The following TCF12 variants were observed in gnomAD, a reference collection of about 807,000 sequenced individuals.
The protein encoded by TCF12 is DNA-binding protein HTF4.
Under a neutral mutation model 86.0 loss-of-function variants are expected in TCF12, and 45 were observed. The observed-to-expected ratio is 0.52, with a 90% CI of 0.41 to 0.67. TCF12 has a LOEUF of 0.67. Among genes scored for constraint, TCF12 ranks in the 30% least tolerant of loss-of-function variants. TCF12 has a pLI of 0.00. For missense variants in TCF12, 881 were observed against 859.9 expected (o/e 1.02, Z -0.31); for synonymous variants, 330 against 299.6 (o/e 1.10, Z -1.05).
intron 16 of TCF12, among the ~76,000 whole-genome samples, chr15:57,257,628 T>G (rs1045445793): frequency 1.3e-5 from 2 of 149,934 alleles, no homozygotes; most frequent in African/African-American, 2.5e-5. Context: ...GCCACTGCAG[T>G]TGAGCCTGGA....
chr15:57,177,993 T>C (rs1399118715), intron 6 of TCF12, among the ~76,000 whole-genome samples: 2 of 152,218 alleles, frequency 1.3e-5, no homozygotes, highest in Non-Finnish European at 2.9e-5. Flanking sequence ...TGATACTTAG[T>C]GCTCGTTGGA....
chr15:57,056,523 A>G (rs565603322), intron 3 of TCF12, among the ~76,000 whole-genome samples: 2 of 152,112 alleles, frequency 1.3e-5, no homozygotes, highest in African/African-American at 2.4e-5. Context: ...CAGTGATGCA[A>G]TCTCAGTTCA....
chr15:57,061,746 A>T (rs1200542703), intron 3 of TCF12, among the ~76,000 whole-genome samples: 1 of 152,228 alleles, frequency 6.6e-6, no homozygotes, highest in African/African-American at 2.4e-5. Context: ...TTACCATTAT[A>T]TGTTCAATAA....
At chr15:57,011,006 T>C (rs2064797839) in intron 3 of TCF12, among the ~76,000 whole-genome samples, 1 of 152,156 alleles carries the variant, frequency 6.6e-6, no homozygotes, top group South Asian at 2.1e-4. Context: ...AGGTGGGACT[T>C]TGAGTTTGTG....
At chr15:57,170,765 A>AT (rs1205991827) in intron 6 of TCF12, among the ~76,000 whole-genome samples, 1 of 14,866 alleles carries the variant, frequency 6.7e-5, no homozygotes, top group African/African-American at 2.8e-4. Context: ...TATATTATAT[A>AT]TATATTATAT....
intron 6 of TCF12, among the ~76,000 whole-genome samples, chr15:57,167,919 T>C (rs2055021239): frequency 6.6e-6 from 1 of 152,230 alleles, no homozygotes. Context: ...TCATAGCCAG[T>C]GTTTTGCCTT....
chr15:57,057,509 T>G (rs2068121048), intron 3 of TCF12, among the ~76,000 whole-genome samples: 1 of 152,232 alleles, frequency 6.6e-6, no homozygotes, highest in Non-Finnish European at 1.5e-5. Context: ...TCAGCCTGTT[T>G]TTGTTTACTC....
intron 2 of TCF12, 79 bp downstream of exon 2, chr15:56,920,067 G>T: frequency 3.2e-6 from 5 of 1,545,546 alleles, no homozygotes; most frequent in Non-Finnish European, 4.4e-6. Context: ...TTAAATAAAG[G>T]GTGAGGGGAA....
At chr15:57,000,512 T>C (rs1414713303) in intron 3 of TCF12, among the ~76,000 whole-genome samples, 2 of 152,212 alleles carry the variant, frequency 1.3e-5, no homozygotes, top group Non-Finnish European at 2.9e-5. Flanking sequence ...AGGAAGTTTG[T>C]AGCATTGAAT....
chr15:57,193,255 C>T (rs2057076378), intron 7 of TCF12, among the ~76,000 whole-genome samples: 1 of 152,152 alleles, frequency 6.6e-6, no homozygotes, highest in South Asian at 2.1e-4. Context: ...CTGCACTCCA[C>T]TTTGTTTTTA....
intron 13 of TCF12, chr15:57,247,225 A>G (rs1438668053): frequency 1.6e-5 from 10 of 627,050 alleles, no homozygotes; most frequent in East Asian, 1.2e-4. Flanking sequence ...GACTACCACC[A>G]TAGTTGCCAC....
At chr15:56,925,641 A>G (rs1253363860) in intron 3 of TCF12, among the ~76,000 whole-genome samples, 2 of 152,238 alleles carry the variant, frequency 1.3e-5, no homozygotes, top group Non-Finnish European at 2.9e-5. Context: ...AGACTTGGGT[A>G]ATCTTGCTGA....
intron 18 of TCF12, among the ~76,000 whole-genome samples, chr15:57,266,862 T>G (rs1358465539): frequency 6.6e-6 from 1 of 152,016 alleles, no homozygotes. Context: ...CATAGCTAGA[T>G]TCTGTCTCTA....
intron 3 of TCF12, among the ~76,000 whole-genome samples, chr15:56,949,464 C>CA (rs2061164551): frequency 6.6e-6 from 1 of 152,172 alleles, no homozygotes; most frequent in Admixed American, 6.5e-5. Context: ...GCTTGAAACT[C>CA]AGTTATGTAT....
intron 19 of TCF12, among the ~76,000 whole-genome samples, chr15:57,277,332 A>G (rs1339445552): frequency 6.6e-6 from 1 of 151,924 alleles, no homozygotes; most frequent in African/African-American, 2.4e-5. Flanking sequence ...CTGTCTCTAA[A>G]TAAAAATTAA....
At chr15:57,189,560 G>A (rs2056871820) in intron 6 of TCF12, among the ~76,000 whole-genome samples, 1 of 152,130 alleles carries the variant, frequency 6.6e-6, no homozygotes, top group Admixed American at 6.5e-5. Context: ...GCCCCTCAAG[G>A]ATGGCTGTAA....
intron 16 of TCF12, among the ~76,000 whole-genome samples, chr15:57,260,758 TC>T (rs1302378283): frequency 6.6e-6 from 1 of 152,192 alleles, no homozygotes; most frequent in Non-Finnish European, 1.5e-5. Context: ...ATTTTGAACT[TC>T]CTTTCCTCTT....
intron 6 of TCF12, among the ~76,000 whole-genome samples, chr15:57,181,869 C>T (rs1411083966): frequency 2.0e-5 from 3 of 151,968 alleles, no homozygotes; most frequent in African/African-American, 7.2e-5. Flanking sequence ...GGGGATAACC[C>T]TTTATTAATT....
At chr15:56,963,802 G>T (rs555336211) in intron 3 of TCF12, among the ~76,000 whole-genome samples, 1 of 152,280 alleles carries the variant, frequency 6.6e-6, no homozygotes, top group Admixed American at 6.5e-5. Flanking sequence ...GTTGTGCTAG[G>T]CTATGCCCTG....
Sources: allele counts gnomAD v4.1 joint callset (sites outside exome capture counted in the v4.1 genomes callset), GRCh38; gene constraint gnomAD v4.1.1; transcripts MANE v1.5; gene names NCBI Gene and HGNC (gene_info 2026-07-23, HGNC 2026-07-21).